CCDC125: variants seen among roughly 807,000 people sequenced by gnomAD.
CCDC125 encodes coiled-coil domain containing 125.
Under a neutral mutation model 57.4 loss-of-function variants are expected in CCDC125, and 43 were observed. That is an observed-to-expected ratio of 0.75 (90% CI 0.59 to 0.97). CCDC125 has a LOEUF of 0.97. Among genes scored for constraint, CCDC125 ranks in the 50% least tolerant of loss-of-function variants. The probability of loss-of-function intolerance (pLI) is 0.00; values close to 1 mark genes in which losing one functional copy is unlikely to be tolerated. For synonymous variants in CCDC125, 187 were observed against 195.2 expected (o/e 0.96, Z 0.35); for missense variants, 563 against 595.7 (o/e 0.95, Z 0.57).
At chr5:69,305,780 G>C (rs887688260) in intron 6 of CCDC125, among the ~76,000 whole-genome samples, 2 of 152,104 alleles carry the variant, frequency 1.3e-5, no homozygotes, top group African/African-American at 4.8e-5. Flanking sequence ...TAAATACGAA[G>C]GGTGCTAAAA....
chr5:69,292,302 C>T lies in CCDC125; in HGVS notation c.985G>A (p.Ala329Thr). The part of the protein sequence containing the change: ...AYVMADAFRI[A>T]FEQQLMRKND... The stretch of plus-strand genomic sequence containing the variant: ...TTTCTCATTAATTGTTGCTCAAATG[C>T]AATTCTGAAAGCATCTGCCATCACG... The change falls in exon 10 of 12, where the codon GCA becomes ACA. Residue 329 changes from alanine (A) to threonine (T), a missense_variant. Coordinates refer to ENST00000396496, the MANE Select transcript of CCDC125 (RefSeq NM_176816.5). 1 of 1,613,822 alleles carries T rather than the reference C, an allele frequency of 6.2e-7. No individual in the cohort carries two copies. The highest frequency in any genetic ancestry group is 8.5e-7 in the Non-Finnish European group (1 of 1,179,882).
chr5:69,301,585 T>C (rs1163390394), intron 7 of CCDC125, among the ~76,000 whole-genome samples: 1 of 151,762 alleles, frequency 6.6e-6, no homozygotes, highest in African/African-American at 2.4e-5. Flanking sequence ...AAGACAAAAA[T>C]ATTAGCTGGG....
chr5:69,279,780 GTC>G (rs1752379005), downstream of CCDC125, among the ~76,000 whole-genome samples: 1 of 152,142 alleles, frequency 6.6e-6, no homozygotes, highest in Admixed American at 6.6e-5. Flanking sequence ...CTCAAAATGT[GTC>G]TAACACGTGA....
chr5:69,287,672 C>T (rs563456303), intron 10 of CCDC125, among the ~76,000 whole-genome samples: 9 of 151,776 alleles, frequency 5.9e-5, no homozygotes, highest in South Asian at 4.2e-4. Context: ...CAGGCTCAAG[C>T]GATCCTCCCA....
rs1182947959 is a variant in CCDC125, at chr5:69,285,257, G to C, written c.1230+80C>G. On this transcript the variant is annotated intron_variant, in intron 11 of 11. Coordinates refer to ENST00000396496, the MANE Select transcript of CCDC125 (RefSeq NM_176816.5). ...GTTGGGCCACATTCAAAGCTGTTCT[G>C]GGCTGCATGCTCCCCACGGACCGTG... 7 of 1,453,568 alleles carry C rather than the reference G, an allele frequency of 4.8e-6. No homozygotes were observed. The African/African-American group carries it at 7.1e-5, about 15-fold the overall frequency. The allele number at this position is 1,453,568 out of a possible 1,614,324, so 90.0% of individuals were successfully genotyped here.
chr5:69,282,860 C>T lies in CCDC125; in HGVS notation c.1405G>A (p.Asp469Asn), dbSNP rs1752634976. Residue 469 changes from aspartate (D) to asparagine (N), a missense_variant, in exon 12 of 12, where the codon GAT (aspartate) becomes AAT (asparagine). By Grantham distance (23) the Asp-to-Asn change is conservative. Coordinates refer to ENST00000396496, the MANE Select transcript of CCDC125 (RefSeq NM_176816.5). ...ATGCAGACACTTGAATGTATAGGAT[C>T]ACCCAAAACAGAGAATTCTGAAGTC... The part of the protein sequence containing the change: ...RKTSEFSVLG[D>N]PIHSSVCILN... 1 of 1,614,086 alleles carries T rather than the reference C, an allele frequency of 6.2e-7. No homozygotes were observed. Among genetic ancestry groups the T allele is most frequent in the African/African-American group, 1.3e-5 (1 of 75,054 alleles).
intron 4 of CCDC125, chr5:69,308,528 A>G: frequency 5.3e-6 from 1 of 187,994 alleles, no homozygotes; most frequent in Non-Finnish European, 1.1e-5. Context: ...GCCATGTTAT[A>G]AGTGCCTTTC....
chr5:69,322,723 C>T (rs146267405), intron 1 of CCDC125, among the ~76,000 whole-genome samples: 27 of 151,764 alleles, frequency 1.8e-4, no homozygotes, highest in African/African-American at 6.0e-4. Context: ...CCACCACACC[C>T]GGCTAATTTT....
intron 10 of CCDC125, among the ~76,000 whole-genome samples, chr5:69,291,295 C>G (rs1002160366): frequency 6.6e-6 from 1 of 151,872 alleles, no homozygotes; most frequent in Non-Finnish European, 1.5e-5. Flanking sequence ...ACTGGAAGAT[C>G]TACTTCAATT....
In CCDC125 at chr5:69,292,314, C is replaced by T. The variant is rs758384627; in HGVS notation, c.973G>A (p.Ala325Thr). The T allele has an allele frequency of 6.2e-7, 1 of 1,613,868 alleles. No individual in the cohort carries two copies. Among genetic ancestry groups the T allele is most frequent in the Non-Finnish European group, 8.5e-7 (1 of 1,179,926 alleles). Residue 325 changes from alanine (A) to threonine (T), a missense_variant, in exon 10 of 12, where the codon GCT (alanine) becomes ACT (threonine). Physicochemically the swap from Ala to Thr is moderately conservative, Grantham distance 58 (BLOSUM62 0). Transcript: ENST00000396496. ...TGTTGCTCAAATGCAATTCTGAAAG[C>T]ATCTGCCATCACGTAAGCTTCTTCT... The part of the protein sequence containing the change: ...SKEEAYVMAD[A>T]FRIAFEQQLM...
At chr5:69,315,450 C>CAAAAAAAAAAA (rs1359288696) in intron 2 of CCDC125, among the ~76,000 whole-genome samples, 3 of 4,866 alleles carry the variant, frequency 6.2e-4, no homozygotes, top group Non-Finnish European at 1.2e-3. Flanking sequence ...AAAAAAAAAA[C>CAAAAAAAAAAA]AAAAAAAAAA....
intron 1 of CCDC125, among the ~76,000 whole-genome samples, chr5:69,328,763 AAC>A (rs1424171740): frequency 1.3e-5 from 2 of 152,166 alleles, no homozygotes; most frequent in Non-Finnish European, 2.9e-5. Context: ...TGAATAGATA[AAC>A]ACAGAGGTTC....
chr5:69,277,051 G>A, downstream of CCDC125: 2 of 1,461,298 alleles, frequency 1.4e-6, no homozygotes, highest in Admixed American at 2.1e-5. Context: ...CTATGAGAAT[G>A]TGAACTTTGT....
intron 10 of CCDC125, among the ~76,000 whole-genome samples, chr5:69,288,867 C>T (rs1333871499): frequency 1.3e-5 from 2 of 152,122 alleles, no homozygotes; most frequent in Non-Finnish European, 2.9e-5. Flanking sequence ...TGTGGGGAAT[C>T]CCCCACCCCT....
At chr5:69,320,704 G>T (rs1759891379) in intron 1 of CCDC125, 124 bp from the exon 2 acceptor site, 2 of 611,834 alleles carry the variant, frequency 3.3e-6, no homozygotes. Context: ...CATGTTTGCT[G>T]TAGCACTGTT....
chr5:69,302,649 C>G (rs540843100), intron 7 of CCDC125, among the ~76,000 whole-genome samples: 57 of 151,138 alleles, frequency 3.8e-4, no homozygotes, highest in Non-Finnish European at 7.2e-4. Context: ...TGCTTAAACC[C>G]AGGAGGCGGA....
intron 3 of CCDC125, chr5:69,313,738 C>T (rs1356875040): frequency 3.9e-6 from 3 of 777,492 alleles, no homozygotes; most frequent in Non-Finnish European, 7.2e-6. Context: ...GGATGATGTT[C>T]TTCTTGTCTT....
At chr5:69,294,930 TTAAG>T (rs778245961) in intron 8 of CCDC125, 30 bp from the exon 9 acceptor site, 65 of 1,582,796 alleles carry the variant, frequency 4.1e-5, no homozygotes, top group African/African-American at 1.6e-4. Context: ...GCTCCTGTTA[TTAAG>T]TGTCACACTG....
At chr5:69,312,861 T>G (rs1012268222) in intron 3 of CCDC125, among the ~76,000 whole-genome samples, 1 of 152,176 alleles carries the variant, frequency 6.6e-6, no homozygotes, top group African/African-American at 2.4e-5. Flanking sequence ...CTTGAGAATT[T>G]TTTTTTTGTA....
Sources: allele counts gnomAD v4.1 joint callset (sites outside exome capture counted in the v4.1 genomes callset), GRCh38; gene constraint gnomAD v4.1.1; transcripts MANE v1.5; gene names NCBI Gene and HGNC (gene_info 2026-07-23, HGNC 2026-07-21).